The following GBE1 variants were observed in gnomAD, a reference collection of about 807,000 sequenced individuals.
GBE1 encodes the protein 1,4-alpha-glucan-branching enzyme.
A neutral mutation model predicts 88.8 loss-of-function variants in GBE1; 70 were observed. That is an observed-to-expected ratio of 0.79 (90% CI 0.65 to 0.96). The LOEUF is 0.96. GBE1 is among the 40% of genes least tolerant of loss of function. The pLI, the probability that GBE1 is intolerant of heterozygous loss-of-function variation, is 0.00. For synonymous variants in GBE1, 284 were observed against 300.1 expected (o/e 0.95, Z 0.56); for missense variants, 872 against 871.0 (o/e 1.00, Z -0.01).
rs769399819 is a variant in GBE1 at position 81,761,401 on chromosome 3, C to T, written c.117G>A (p.Lys39=). The T allele has an allele frequency of 6.2e-7, 1 of 1,613,062 alleles. No homozygotes were observed. The highest frequency in any genetic ancestry group is 2.2e-5 in the East Asian group (1 of 44,798). ...ARLLEIDPYL[K]PYAVDFQRRY... is the part of the protein sequence containing the mutation. ...TGCGCTGGAAGTCCACGGCGTAGGGCTTCAAGTACGGGTCGATCTCCAGGA... is the reference window on the plus strand; with the variant it reads ...TGCGCTGGAAGTCCACGGCGTAGGGTTTCAAGTACGGGTCGATCTCCAGGA... The change falls in exon 1 of 16, where the codon AAG becomes AAA. Residue 39 remains lysine (K), a synonymous_variant. Transcript: ENST00000429644.
chr3:81,497,458 C>G (rs1278282091), intron 15 of GBE1, among the ~76,000 whole-genome samples: 2 of 152,128 alleles, frequency 1.3e-5, no homozygotes, highest in African/African-American at 4.8e-5. Flanking sequence ...GAATCTCTTG[C>G]TGTAGGGAAG....
At chr3:81,655,895 C>T (rs1468208254) in intron 3 of GBE1, among the ~76,000 whole-genome samples, 2 of 152,224 alleles carry the variant, frequency 1.3e-5, no homozygotes, top group South Asian at 2.1e-4. Context: ...TTTATAATCG[C>T]TAAAACTTTA....
chr3:81,704,260 TTC>T (rs1311621076), intron 2 of GBE1, among the ~76,000 whole-genome samples: 3 of 152,084 alleles, frequency 2.0e-5, no homozygotes, highest in African/African-American at 7.2e-5. Flanking sequence ...TGCATTTTAT[TTC>T]TGTTGGACAG....
intron 7 of GBE1, among the ~76,000 whole-genome samples, chr3:81,626,493 G>A (rs986656786): frequency 1.8e-4 from 28 of 152,098 alleles, no homozygotes; most frequent in East Asian, 7.7e-4. Flanking sequence ...TTGAGCAAGC[G>A]TTCCTGAGGA....
chr3:81,490,155 T>C lies in GBE1; in HGVS notation c.*252A>G, dbSNP rs1702417817. 4.2e-6 allele frequency: 2 copies of C among 477,034 alleles called. No individual in the cohort carries two copies. Among genetic ancestry groups the C allele is most frequent in the South Asian group, 5.8e-5 (2 of 34,708 alleles). 29.6% of individuals were successfully genotyped at this position (477,034 alleles called of 1,614,324 possible). A position where few individuals can be genotyped will look rare whatever the true frequency, so the allele number is the denominator to read the frequency against. On this transcript the variant is annotated 3_prime_UTR_variant, in exon 16 of 16. Coordinates refer to ENST00000429644, the MANE Select transcript of GBE1 (RefSeq NM_000158.4). ...TTTTTAACATATTATATATAACACT[T>C]CCATTTGAGAATCCTAGCTGCTAAG...
At chr3:81,729,308 C>T (rs2107201849) in intron 1 of GBE1, among the ~76,000 whole-genome samples, 1 of 152,266 alleles carries the variant, frequency 6.6e-6, no homozygotes, top group Admixed American at 6.5e-5. Context: ...GTGTCATGGG[C>T]AGGTCCCAGT....
intron 1 of GBE1, among the ~76,000 whole-genome samples, chr3:81,721,223 AT>A (rs1335421521): frequency 5.0e-4 from 53 of 107,034 alleles, no homozygotes; most frequent in African/African-American, 1.1e-3. Flanking sequence ...AAATAAATAA[AT>A]AAATAAATAA....
At chr3:81,533,976 G>A (rs1049580283) in intron 14 of GBE1, among the ~76,000 whole-genome samples, 5 of 151,998 alleles carry the variant, frequency 3.3e-5, no homozygotes, top group African/African-American at 9.7e-5. Context: ...GAAACTAGAC[G>A]TTAGGGTTTT....
At chr3:81,679,757 T>G (rs1038513237) in intron 2 of GBE1, among the ~76,000 whole-genome samples, 1 of 152,236 alleles carries the variant, frequency 6.6e-6, no homozygotes, top group African/African-American at 2.4e-5. Flanking sequence ...TAAGATTTTT[T>G]CATTAATTTC....
chr3:81,630,270 G>T (rs1039358527), intron 7 of GBE1, among the ~76,000 whole-genome samples: 1 of 152,062 alleles, frequency 6.6e-6, no homozygotes, highest in African/African-American at 2.4e-5. Context: ...AATAAAAGAG[G>T]ATACAAACAA....
intron 7 of GBE1, among the ~76,000 whole-genome samples, chr3:81,631,891 T>A (rs1704518377): frequency 6.6e-6 from 1 of 152,176 alleles, no homozygotes; most frequent in African/African-American, 2.4e-5. Context: ...GCCGTGGTCA[T>A]CTACATTAGG....
chr3:81,724,926 A>T (rs1706086885), intron 1 of GBE1, among the ~76,000 whole-genome samples: 1 of 152,214 alleles, frequency 6.6e-6, no homozygotes, highest in African/African-American at 2.4e-5. Flanking sequence ...ATCTCACTCA[A>T]CTGAGCTATT....
At chr3:81,711,148 A>T (rs1340085370) in intron 1 of GBE1, among the ~76,000 whole-genome samples, 1 of 152,228 alleles carries the variant, frequency 6.6e-6, no homozygotes, top group Non-Finnish European at 1.5e-5. Context: ...GCGGAGATGG[A>T]TCATCCCTTA....
intron 7 of GBE1, among the ~76,000 whole-genome samples, chr3:81,641,462 C>T (rs926457524): frequency 1.3e-5 from 2 of 152,050 alleles, no homozygotes; most frequent in Non-Finnish European, 2.9e-5. Flanking sequence ...AAATCTGTGG[C>T]ATAATAATAA....
intron 4 of GBE1, among the ~76,000 whole-genome samples, 190 bp downstream of exon 4, chr3:81,649,606 C>A (rs1200681161): frequency 1.3e-5 from 2 of 151,950 alleles, no homozygotes; most frequent in African/African-American, 4.8e-5. Flanking sequence ...CAAAAACTAA[C>A]TTCTATATGT....
At chr3:81,729,154 C>T (rs1248356451) in intron 1 of GBE1, among the ~76,000 whole-genome samples, 1 of 152,088 alleles carries the variant, frequency 6.6e-6, no homozygotes, top group Non-Finnish European at 1.5e-5. Context: ...TGGAATTCCA[C>T]TATAAAATGG....
rs547685084 is a variant in GBE1 at position 81,601,515 on chromosome 3, A to C, written c.993-7492T>G. 2.6e-5 allele frequency among the ~76,000 whole-genome samples: 4 copies of C among 152,248 alleles called. No individual in the cohort carries two copies. The South Asian group carries it at 8.3e-4, about 32-fold the overall frequency. On this transcript the variant is annotated intron_variant, in intron 7 of 15. Transcript: ENST00000429644. Reference sequence around the variant, plus strand: ...CATACTAGCTGTATTAATCTTCTCTAAGTTTCAGTTTTCCACAACGTAAAA... The same window carrying C: ...CATACTAGCTGTATTAATCTTCTCTCAGTTTCAGTTTTCCACAACGTAAAA...
intron 14 of GBE1, among the ~76,000 whole-genome samples, chr3:81,513,279 A>C (rs1702749076): frequency 6.6e-6 from 1 of 151,802 alleles, no homozygotes; most frequent in Non-Finnish European, 1.5e-5. Context: ...ATACAGAGAA[A>C]GGGAAATAAG....
chr3:81,686,909 T>C (rs973775195), intron 2 of GBE1, among the ~76,000 whole-genome samples: 2 of 152,186 alleles, frequency 1.3e-5, no homozygotes, highest in African/African-American at 4.8e-5. Context: ...GTATAAAATA[T>C]ATATAAAAGT....
Sources: allele counts gnomAD v4.1 joint callset (sites outside exome capture counted in the v4.1 genomes callset), GRCh38; gene constraint gnomAD v4.1.1; transcripts MANE v1.5; gene names NCBI Gene and HGNC (gene_info 2026-07-23, HGNC 2026-07-21).